Variants in NUTM1 observed in about 807,000 individuals in gnomAD.
The protein encoded by NUTM1 is NUT family member 1.
A neutral mutation model predicts 88.7 loss-of-function variants in NUTM1; 39 were observed. The observed-to-expected ratio is 0.44, with a 90% CI of 0.34 to 0.57. NUTM1 has a LOEUF of 0.57. NUTM1 is among the 20% of genes least tolerant of loss of function. The pLI is 0.01. For missense variants in NUTM1, 1,350 were observed against 1,414.5 expected (o/e 0.95, Z 0.73); for synonymous variants, 494 against 538.0 (o/e 0.92, Z 1.13).
At chr15:34,347,942 AT>A (rs1367046498) in intron 2 of NUTM1, 26 bp from the exon 3 acceptor site, 1 of 1,460,568 alleles carries the variant, frequency 6.8e-7, no homozygotes, top group East Asian at 2.3e-5. Flanking sequence ...CTCCTACTCC[AT>A]TTCTTCTTTT....
rs1890798750 is a variant in NUTM1 at position 34,355,954 on chromosome 15, C to A, written c.1946C>A (p.Pro649His). The A allele has an allele frequency of 6.2e-7, 1 of 1,614,002 alleles. No individual in the cohort carries two copies. Among genetic ancestry groups the A allele is most frequent in the Admixed American group, 1.7e-5 (1 of 59,996 alleles). ...LVADRTSEAL[P>H]LCWQGGFQPE... ...GCTGATAGGACTTCAGAGGCTCTGC[C>A]CCTTTGTTGGCAGGGAGGCTTCCAG... The change falls in exon 8 of 8, where the codon CCC becomes CAC. Residue 649 changes from proline to histidine, a missense_variant. By Grantham distance (77) the Pro-to-His change is moderately conservative. Around this residue, in one of 5 missense-constraint regions of NUTM1, gnomAD observed 730 missense variants for 728.8 expected, o/e 1.00. Coordinates refer to ENST00000537011, the MANE Select transcript of NUTM1 (RefSeq NM_001284292.2). The surrounding 1 kb of genome is among the most constrained non-coding windows in gnomAD (Gnocchi z 4.3).
Position 34,357,025 on chromosome 15 carries a change from G to T in NUTM1, c.3017G>T (p.Gly1006Val). 6.2e-7 allele frequency: 1 copy of T among 1,613,992 alleles called. No homozygotes were observed. The highest frequency in any genetic ancestry group is 8.5e-7 in the Non-Finnish European group (1 of 1,179,996). Residue 1006 changes from glycine to valine, a missense_variant, in exon 8 of 8, where the codon GGA becomes GTA. Physicochemically the swap from Gly to Val is moderately radical, Grantham distance 109 (BLOSUM62 -3). Transcript: ENST00000537011. ...CTTGGAAGCACTTTGCCTAGAAGGG[G>T]AACCAGGAATGCCATAGTTCCGAGA... ...QGLGSTLPRR[G>V]TRNAIVPRET...
Position 34,356,480 on chromosome 15 carries a change from C to T in NUTM1, c.2472C>T (p.Ala824=). 6.2e-7 allele frequency: 1 copy of T among 1,613,742 alleles called. No homozygotes were observed. Among genetic ancestry groups the T allele is most frequent in the African/African-American group, 1.3e-5 (1 of 75,002 alleles). ...IPCGGTVAAA[A]LEKRNYCSLP... Reference sequence around the variant, plus strand: ...GTGGAGGCACAGTTGCGGCAGCTGCCCTAGAAAAGAGAAACTATTGCAGCT... The same window carrying T: ...GTGGAGGCACAGTTGCGGCAGCTGCTCTAGAAAAGAGAAACTATTGCAGCT... Residue 824 remains alanine, a synonymous_variant, in exon 8 of 8, where the codon GCC becomes GCT. Transcript: ENST00000537011.
rs1359302923 is a variant in NUTM1, at chr15:34,355,810, A to C, written c.1802A>C (p.Gln601Pro). The change falls in exon 8 of 8, where the codon CAG (glutamine) becomes CCG (proline). Residue 601 changes from glutamine to proline, a missense_variant. Transcript: ENST00000537011. This position sits in a 1 kb window ranked among gnomAD's most constrained non-coding sequence, Gnocchi z 4.3. ...WDLQPELAAP[Q>P]GTPGPLGVER... ...CTGCAGCCAGAACTTGCAGCTCCAC[A>C]GGGAACTCCGGGACCCTTGGGTGTG... 1 of 1,614,206 alleles carries C rather than the reference A, an allele frequency of 6.2e-7. No individual in the cohort carries two copies.
At position 34,356,815 on chromosome 15, in the gene NUTM1, A is replaced by G. The variant is rs755627237; in HGVS notation, c.2807A>G (p.Asp936Gly). 7.4e-6 allele frequency: 12 copies of G among 1,611,936 alleles called. No homozygotes were observed. Among genetic ancestry groups the G allele is most frequent in the Middle Eastern group, 1.6e-4 (1 of 6,082 alleles). The change falls in exon 8 of 8, where the codon GAT becomes GGT. Residue 936 changes from aspartate (D) to glycine (G), a missense_variant. Asp to Gly is a moderately conservative substitution (Grantham distance 94). Around this residue, in one of 5 missense-constraint regions of NUTM1, gnomAD observed 730 missense variants for 728.8 expected, o/e 1.00. Coordinates refer to ENST00000537011, the MANE Select transcript of NUTM1 (RefSeq NM_001284292.2). ...IEPVNILDVKDDCGLQLRVSE... is the reference protein window; with the variant it reads ...IEPVNILDVKGDCGLQLRVSE... ...CCTGTCAACATACTAGATGTTAAAG[A>G]TGACTGTGGCCTCCAACTAAGGGTC...
chr15:34,354,652 G>C lies in NUTM1; in HGVS notation c.1282G>C (p.Glu428Gln). 1 of 1,614,150 alleles carries C rather than the reference G, an allele frequency of 6.2e-7. No individual in the cohort carries two copies. The highest frequency in any genetic ancestry group is 8.5e-7 in the Non-Finnish European group (1 of 1,180,012). Reference sequence around the variant, plus strand: ...ACAAGAGGAAGAAGGGCAGCAGCAGGAGGAGGAAGGGATGTATCCAGATCC... The same window carrying C: ...ACAAGAGGAAGAAGGGCAGCAGCAGCAGGAGGAAGGGATGTATCCAGATCC... ...GKQEEEGQQQ[E>Q]EEGMYPDPGL... Residue 428 changes from glutamate to glutamine, a missense_variant, in exon 6 of 8, where the codon GAG becomes CAG. Glu to Gln is a conservative substitution (Grantham distance 29). Around this residue, in one of 5 missense-constraint regions of NUTM1, gnomAD observed 126 missense variants for 189.8 expected, o/e 0.66. Transcript: ENST00000537011.
rs764289245 is a variant in NUTM1 at position 34,355,644 on chromosome 15, G to A, written c.1636G>A (p.Gly546Arg). The change falls in exon 8 of 8, where the codon GGG becomes AGG. Residue 546 changes from glycine (G) to arginine (R), a missense_variant. By Grantham distance (125) the Gly-to-Arg change is moderately radical (BLOSUM62 -2). Around this residue, in one of 5 missense-constraint regions of NUTM1, gnomAD observed 126 missense variants for 189.8 expected, o/e 0.66. Coordinates refer to ENST00000537011, the MANE Select transcript of NUTM1 (RefSeq NM_001284292.2). The surrounding 1 kb of genome is among the most constrained non-coding windows in gnomAD (Gnocchi z 4.3). ...GCCCTCACCTGGGCTTCAGGGGGCTGGGGGCGCCGCTTGCCTTGGAAAGGT... is the reference window on the plus strand; with the variant it reads ...GCCCTCACCTGGGCTTCAGGGGGCTAGGGGCGCCGCTTGCCTTGGAAAGGT... ...LRPSPGLQGA[G>R]GAACLGKVSS... 3.1e-5 allele frequency: 50 copies of A among 1,609,876 alleles called. No individual in the cohort carries two copies. The highest frequency in any genetic ancestry group is 3.4e-5 in the Admixed American group (2 of 59,122).
intron 4 of NUTM1, among the ~76,000 whole-genome samples, chr15:34,351,226 TCAAAAAAAAAAAAAAAAA>T (rs1225780126): frequency 2.9e-5 from 1 of 34,324 alleles, no homozygotes; most frequent in African/African-American, 1.5e-4. Context: ...AGACTCCATC[TCAAAAAAAAAAAAAAAAA>T]AAAAAAAAAA....
chr15:34,354,742 G>C lies in NUTM1; in HGVS notation c.1362+10G>C. 1 of 1,613,604 alleles carries C rather than the reference G, an allele frequency of 6.2e-7. No individual in the cohort carries two copies. The highest frequency in any genetic ancestry group is 8.5e-7 in the Non-Finnish European group (1 of 1,179,802). On this transcript the variant is annotated intron_variant, in intron 6 of 7. Coordinates refer to ENST00000537011, the MANE Select transcript of NUTM1 (RefSeq NM_001284292.2). ...GGTCTTTGTCTCCAAGGTGAGCTGG[G>C]CCTGCACATCTTGTTTCTAGCAGAT...
At position 34,357,542 on chromosome 15, in the gene NUTM1, C is replaced by T. The variant is rs143284647; in HGVS notation, c.*51C>T. 7.9e-4 allele frequency: 1,265 copies of T among 1,610,354 alleles called. 7 individuals are homozygous for T. The African/African-American group carries it at 0.014, about 18-fold the overall frequency. ...CTTGCCAGTCCCTAAAGGTGGGTGC[C>T]CCAGAGTAGATTCCACCCCTGCTGC... On this transcript the variant is annotated 3_prime_UTR_variant, in exon 8 of 8. Coordinates refer to ENST00000537011, the MANE Select transcript of NUTM1 (RefSeq NM_001284292.2).
intron 3 of NUTM1, among the ~76,000 whole-genome samples, chr15:34,349,424 A>T (rs1003418901): frequency 1.3e-5 from 2 of 152,188 alleles, no homozygotes; most frequent in African/African-American, 4.8e-5. Flanking sequence ...CAACTGTTTT[A>T]TTATTATCCT....
chr15:34,344,502 C>CAA lies in NUTM1; in HGVS notation c.6+821_6+822dup, dbSNP rs780145688. Among the ~76,000 whole-genome samples the CAA allele has an allele frequency of 2.9e-3, 246 of 85,476 alleles. 1 individual carries two copies. The highest frequency in any genetic ancestry group is 8.6e-3 in the African/African-American group (191 of 22,228). The allele number at this position is 85,476 out of a possible 152,430, so 56.1% of individuals were successfully genotyped here. A position where few individuals can be genotyped will look rare whatever the true frequency, so the allele number is the denominator to read the frequency against. Reference sequence around the variant, plus strand: ...TGGGCGACAGAGCGAGATCCTGTCTCAAAAAAAAAAAAAAAAAAAAAAGAA... The same window carrying CAA: ...TGGGCGACAGAGCGAGATCCTGTCTCAAAAAAAAAAAAAAAAAAAAAAAAGAA... On this transcript the variant is annotated intron_variant, in intron 1 of 7. Coordinates refer to ENST00000537011, the MANE Select transcript of NUTM1 (RefSeq NM_001284292.2).
Position 34,354,459 on chromosome 15 carries a change from G to C in NUTM1, c.1089G>C (p.Lys363Asn). 1.2e-6 allele frequency: 2 copies of C among 1,613,998 alleles called. 1 individual carries two copies. The highest frequency in any genetic ancestry group is 2.2e-5 in the South Asian group (2 of 91,078). ...CTCTTCCCTTAGTGTACATTCCGAA[G>C]AAGGCAGCCTCCAAGACACGGGCCC... ...EVCQQPVYIP[K>N]KAASKTRAPR... Residue 363 changes from lysine (K) to asparagine (N), a missense_variant, in exon 6 of 8, where the codon AAG becomes AAC. This residue lies in a region of NUTM1 where 89 missense variants were observed against 76.0 expected (regional missense o/e 1.17). Transcript: ENST00000537011.
In NUTM1 at chr15:34,348,078, C is replaced by T. The variant is rs768087638; in HGVS notation, c.210C>T (p.Pro70=). The T allele has an allele frequency of 6.2e-7, 1 of 1,614,008 alleles. No individual in the cohort carries two copies. Among genetic ancestry groups the T allele is most frequent in the East Asian group, 2.2e-5 (1 of 44,874 alleles). The change falls in exon 3 of 8, where the codon CCC becomes CCT. Residue 70 remains proline (P), a synonymous_variant. Transcript: ENST00000537011. ...CTTCTGACCCACCAGACCACCCACC[C>T]AGGGAGCCACCTCCACAGCCCATCA... ...PPTSDPPDHP[P]REPPPQPIMP... is the part of the protein sequence containing the mutation.
intron 4 of NUTM1, among the ~76,000 whole-genome samples, chr15:34,351,227 CAAAAAAAAAAAAAAAAA>C (rs397853945): frequency 4.1e-4 from 14 of 34,482 alleles, no homozygotes; most frequent in South Asian, 2.8e-3. Context: ...GACTCCATCT[CAAAAAAAAAAAAAAAAA>C]AAAAAAAAAA....
chr15:34,344,502 C>CAAAAA (rs780145688), intron 1 of NUTM1, among the ~76,000 whole-genome samples: 1 of 85,728 alleles, frequency 1.2e-5, no homozygotes, highest in African/African-American at 4.5e-5. Flanking sequence ...GATCCTGTCT[C>CAAAAA]AAAAAAAAAA....
In NUTM1 at chr15:34,343,498, G is replaced by C; in HGVS notation, c.-199G>C. 7.9e-7 allele frequency: 1 copy of C among 1,261,062 alleles called. No individual in the cohort carries two copies. Among genetic ancestry groups the C allele is most frequent in the Non-Finnish European group, 1.1e-6 (1 of 922,190 alleles). 78.1% of individuals were successfully genotyped at this position (1,261,062 alleles called of 1,614,324 possible). On this transcript the variant is annotated 5_prime_UTR_variant, in exon 1 of 8. Coordinates refer to ENST00000537011, the MANE Select transcript of NUTM1 (RefSeq NM_001284292.2). ...CCTTTACCCTAGGGAAGAAAGAAGA[G>C]GTTTTCTTCCCTCCCCTCTTTTACA...
rs779157325 is a variant in NUTM1, at chr15:34,343,426, G to A, written c.-271G>A. ...AAGATACACACCCATTTCAGGAGCA[G>A]TGAGTTTTCAATGCCTGAAGAAACA... On this transcript the variant is annotated 5_prime_UTR_variant, in exon 1 of 8. In the 5' UTR this introduces an upstream ATG that the reference lacks. Transcript: ENST00000537011. 10 of 656,198 alleles carry A rather than the reference G, an allele frequency of 1.5e-5. No homozygotes were observed. Among genetic ancestry groups the A allele is most frequent in the Non-Finnish European group, 2.3e-5 (9 of 388,704 alleles). 40.6% of individuals were successfully genotyped at this position (656,198 alleles called of 1,614,324 possible). A position where few individuals can be genotyped will look rare whatever the true frequency, so the allele number is the denominator to read the frequency against.
At chr15:34,347,942 A>G (rs577256219) in intron 2 of NUTM1, 27 bp from the exon 3 acceptor site, 6 of 1,460,684 alleles carry the variant, frequency 4.1e-6, no homozygotes, top group Non-Finnish European at 5.7e-6. Flanking sequence ...CTCCTACTCC[A>G]TTTCTTCTTT....
Sources: allele counts gnomAD v4.1 joint callset (sites outside exome capture counted in the v4.1 genomes callset), GRCh38; gene constraint gnomAD v4.1.1; regional missense constraint gnomAD v4.1.1; non-coding constraint Gnocchi (gnomAD v3.1); transcripts MANE v1.5; gene names NCBI Gene and HGNC (gene_info 2026-07-23, HGNC 2026-07-21).